Variants in FAM13A observed in about 807,000 individuals in gnomAD.
FAM13A encodes the protein family with sequence similarity 13 member A, also known as protein FAM13A.
FAM13A carries 76 observed loss-of-function variants against 129.6 expected under a neutral mutation model. The observed-to-expected ratio is 0.59, with a 90% CI of 0.49 to 0.71. FAM13A has a LOEUF of 0.71. Ranked by LOEUF, FAM13A falls within the 30% of genes least tolerant of loss-of-function variation. FAM13A has a pLI of 0.00. For synonymous variants in FAM13A, 443 were observed against 449.9 expected, an observed-to-expected ratio of 0.98 and a Z score of 0.20; for missense variants, 1,108 against 1,249.3, an observed-to-expected ratio of 0.89 and a Z score of 1.70.
intron 6 of FAM13A, among the ~76,000 whole-genome samples, chr4:88,870,242 T>C (rs1042014467): frequency 2.0e-5 from 3 of 152,182 alleles, no homozygotes; most frequent in African/African-American, 4.8e-5. Context: ...GATTTCTGCA[T>C]TTCCAACTGA....
intron 4 of FAM13A, among the ~76,000 whole-genome samples, chr4:88,939,677 G>A (rs1219360694): frequency 2.0e-5 from 3 of 152,114 alleles, no homozygotes. Context: ...GTGATAGGAT[G>A]TCGCTCCCAT....
chr4:89,031,820 TTGAA>T (rs1350127363), intron 1 of FAM13A, among the ~76,000 whole-genome samples: 1 of 152,198 alleles, frequency 6.6e-6, no homozygotes, highest in Non-Finnish European at 1.5e-5. Flanking sequence ...AGTATGACCT[TTGAA>T]TGAAGATAAA....
intron 11 of FAM13A, among the ~76,000 whole-genome samples, chr4:88,778,061 T>C (rs1054692300): frequency 6.6e-6 from 1 of 152,220 alleles, no homozygotes; most frequent in Non-Finnish European, 1.5e-5. Context: ...AGGCCTTTTC[T>C]ATCCATATTC....
intron 5 of FAM13A, among the ~76,000 whole-genome samples, chr4:88,923,112 A>T (rs1387165325): frequency 3.3e-5 from 5 of 152,188 alleles, no homozygotes; most frequent in Admixed American, 2.0e-4. Flanking sequence ...GCCGAATTCT[A>T]CCAGAGGTAC....
intron 11 of FAM13A, among the ~76,000 whole-genome samples, chr4:88,776,245 A>C (rs1490949452): frequency 6.6e-6 from 1 of 152,194 alleles, no homozygotes; most frequent in East Asian, 1.9e-4. Context: ...CTTTCTTCCT[A>C]GGAATGAATA....
intron 1 of FAM13A, chr4:89,029,852 AC>A (rs981175362): frequency 3.0e-5 from 18 of 595,776 alleles, no homozygotes; most frequent in Non-Finnish European, 5.2e-5. Flanking sequence ...GTAATGAAAA[AC>A]CTAAAGCCAC....
At chr4:88,802,542 G>GT (rs1427767450) in intron 8 of FAM13A, among the ~76,000 whole-genome samples, 1 of 152,146 alleles carries the variant, frequency 6.6e-6, no homozygotes, top group African/African-American at 2.4e-5. Flanking sequence ...AGGACTGAAG[G>GT]TAACTGAAAT....
intron 7 of FAM13A, 94 bp downstream of exon 7, chr4:88,850,926 T>G: frequency 9.0e-7 from 1 of 1,106,366 alleles, no homozygotes; most frequent in Non-Finnish European, 1.3e-6. Flanking sequence ...TAAACTCCAG[T>G]GGCAGATCAA....
intron 11 of FAM13A, 121 bp from the exon 12 acceptor site, chr4:88,768,180 A>G (rs1339650691): frequency 5.4e-6 from 3 of 551,466 alleles, no homozygotes; most frequent in Non-Finnish European, 9.8e-6. Context: ...TCTAGTCCTC[A>G]TATTTTTATC....
intron 4 of FAM13A, chr4:88,990,034 G>A (rs1273932623): frequency 2.0e-5 from 3 of 152,046 alleles, no homozygotes; most frequent in East Asian, 3.9e-4. Context: ...ATTTATTCAC[G>A]AGACCCTAAC....
intron 7 of FAM13A, among the ~76,000 whole-genome samples, chr4:88,846,607 A>G (rs1736681949): frequency 6.6e-6 from 1 of 152,236 alleles, no homozygotes; most frequent in African/African-American, 2.4e-5. Flanking sequence ...TAATCAAGTG[A>G]CATTCTTGTT....
At position 88,772,611 on chromosome 4, in the gene FAM13A, C is replaced by T. The variant is rs148939925; in HGVS notation, c.1459-4552G>A. Among the ~76,000 whole-genome samples, 7 of 152,274 alleles carry T rather than the reference C, an allele frequency of 4.6e-5. No individual in the cohort carries two copies. In the East Asian group the frequency reaches 9.6e-4, roughly 21 times the overall value. On this transcript the variant is annotated intron_variant, in intron 11 of 23. Transcript: ENST00000264344. ...ACCATGGAGGTTATATCCCAATAAA[C>T]CCATGGTAATTAGAAAATATCATAA...
intron 21 of FAM13A, among the ~76,000 whole-genome samples, chr4:88,734,554 A>C (rs1560838193): frequency 6.6e-6 from 1 of 152,262 alleles, no homozygotes; most frequent in African/African-American, 2.4e-5. Flanking sequence ...GCAATGCACA[A>C]GTATACAGCA....
At chr4:88,984,438 CTCA>C (rs79454701) in intron 4 of FAM13A, among the ~76,000 whole-genome samples, 2,283 of 152,128 alleles carry the variant, frequency 0.015, 28 homozygotes, top group Non-Finnish European at 0.026. Context: ...ACTCTTATAA[CTCA>C]TCAATAAAGA....
In FAM13A at chr4:88,726,538, A is replaced by G. The variant is rs769173472; in HGVS notation, c.*1995T>C. ...TTCTGTAGCGTATTTTTCCAAAAAC[A>G]TAGTCTTAAACAAATGTGCTTTAAA... On this transcript the variant is annotated 3_prime_UTR_variant, in exon 24 of 24. Coordinates refer to ENST00000264344, the MANE Select transcript of FAM13A (RefSeq NM_014883.4). The G allele has an allele frequency of 6.6e-6, 1 of 152,668 alleles. No individual in the cohort carries two copies. Among genetic ancestry groups the G allele is most frequent in the Non-Finnish European group, 1.5e-5 (1 of 68,040 alleles). 9.5% of individuals were successfully genotyped at this position (152,668 alleles called of 1,614,324 possible). A position where few individuals can be genotyped will look rare whatever the true frequency, so the allele number is the denominator to read the frequency against.
chr4:88,786,151 G>T (rs537448737), intron 10 of FAM13A, among the ~76,000 whole-genome samples: 2 of 152,058 alleles, frequency 1.3e-5, no homozygotes, highest in African/African-American at 4.8e-5. Context: ...GCCCTGTCTG[G>T]CCCCTATCTG....
rs79269317 is a variant in FAM13A, at chr4:88,733,829, T to C, written c.2647-1631A>G. Among the ~76,000 whole-genome samples the C allele has an allele frequency of 4.4e-3, 674 of 152,240 alleles. 10 individuals carry two copies. Among genetic ancestry groups the C allele is most frequent in the African/African-American group, 0.015 (641 of 41,528 alleles). ...ACAGAGTTAGGGACAGCTAACAGAG[T>C]TACAAATAAGAACTTAACGACCTTT... On this transcript the variant is annotated intron_variant, in intron 21 of 23. Transcript: ENST00000264344.
At position 88,791,394 on chromosome 4, in the gene FAM13A, T is replaced by C. The variant is rs377054334; in HGVS notation, c.1050-767A>G. Among the ~76,000 whole-genome samples, 41 of 152,194 alleles carry C rather than the reference T, an allele frequency of 2.7e-4. No homozygotes were observed. In the South Asian group the frequency reaches 5.0e-3, roughly 18 times the overall value. ...ATCAGGTTAGCATGCTTCAGAACTT[T>C]CCCCCTCATGCCTGCACTTATGTTC... On this transcript the variant is annotated intron_variant, in intron 8 of 23. Transcript: ENST00000264344.
rs563546140 is a variant in FAM13A at position 88,742,266 on chromosome 4, C to T, written c.2467-3141G>A. Among the ~76,000 whole-genome samples the T allele has an allele frequency of 1.2e-4, 18 of 152,296 alleles. No individual in the cohort carries two copies. The East Asian group carries it at 1.9e-3, about 16-fold the overall frequency. On this transcript the variant is annotated intron_variant, in intron 19 of 23. Transcript: ENST00000264344. ...TCCTTCCTTACTCTTTGTTCAAAAA[C>T]GAAGTTTTCTACTTGGAGTAGATGA... is the stretch of plus-strand genomic sequence containing the variant.
Sources: allele counts gnomAD v4.1 joint callset (sites outside exome capture counted in the v4.1 genomes callset), GRCh38; gene constraint gnomAD v4.1.1; transcripts MANE v1.5; gene names NCBI Gene and HGNC (gene_info 2026-07-23, HGNC 2026-07-21).